MCCC1: variants seen among roughly 807,000 people sequenced by gnomAD.
MCCC1 encodes methylcrotonoyl-CoA carboxylase subunit alpha, mitochondrial.
In MCCC1, 64 loss-of-function variants were observed where a neutral mutation model predicts 83.8. The ratio of observed to expected loss-of-function variants is 0.76; its 90% confidence interval spans 0.62 to 0.94. The LOEUF is 0.94. MCCC1 is among the 40% of genes least tolerant of loss of function. The probability of loss-of-function intolerance (pLI) is 0.00; values close to 1 mark genes in which losing one functional copy is unlikely to be tolerated. For synonymous variants in MCCC1, 322 were observed against 315.4 expected (o/e 1.02, Z -0.22); for missense variants, 807 against 904.7 (o/e 0.89, Z 1.39).
At chr3:183,088,173 C>A (rs899302248) in intron 3 of MCCC1, among the ~76,000 whole-genome samples, 1 of 150,968 alleles carries the variant, frequency 6.6e-6, no homozygotes, top group East Asian at 1.9e-4. Flanking sequence ...ACAAAGAGAC[C>A]ATTTTAAATG....
chr3:183,100,938 C>T (rs796708283), upstream of MCCC1, among the ~76,000 whole-genome samples: 15 of 152,356 alleles, frequency 9.8e-5, no homozygotes, highest in African/African-American at 3.4e-4. Context: ...GCGGCACTTG[C>T]GGGCCAGCTG....
chr3:183,079,724 A>G (rs1243239790), intron 4 of MCCC1, among the ~76,000 whole-genome samples: 2 of 152,168 alleles, frequency 1.3e-5, no homozygotes, highest in Admixed American at 6.5e-5. Context: ...CTGACCCCAC[A>G]TTTCCCTTCT....
chr3:183,034,082 A>C lies in MCCC1; in HGVS notation c.1595-5T>G, dbSNP rs1186142610. On this transcript the variant is annotated splice_region_variant and splice_polypyrimidine_tract_variant and intron_variant, in intron 13 of 18. Coordinates refer to ENST00000265594, the MANE Select transcript of MCCC1 (RefSeq NM_020166.5). ...ACGAAAATGGAGAGAATTGATCTAG[A>C]AAAAATTTAAAATTCAGTAACAAAC... is the stretch of plus-strand genomic sequence containing the variant. 6.3e-7 allele frequency: 1 copy of C among 1,589,152 alleles called. No homozygotes were observed. The highest frequency in any genetic ancestry group is 2.2e-5 in the East Asian group (1 of 44,762).
intron 13 of MCCC1, among the ~76,000 whole-genome samples, chr3:183,035,748 T>C (rs1393430934): frequency 6.6e-6 from 1 of 152,180 alleles, no homozygotes; most frequent in Non-Finnish European, 1.5e-5. Flanking sequence ...TTAAAAATTC[T>C]GTTTGCTCCG....
chr3:183,024,012 A>G (rs899031466), intron 15 of MCCC1, among the ~76,000 whole-genome samples: 7 of 152,174 alleles, frequency 4.6e-5, no homozygotes, highest in Admixed American at 3.9e-4. Flanking sequence ...GCACTTTGGG[A>G]GGCCAAGGTG....
intron 7 of MCCC1, among the ~76,000 whole-genome samples, chr3:183,063,964 G>A (rs749576291): frequency 1.3e-5 from 2 of 152,158 alleles, no homozygotes; most frequent in Non-Finnish European, 2.9e-5. Flanking sequence ...CTAAGACAGA[G>A]TGGGTTAAAG....
intron 4 of MCCC1, among the ~76,000 whole-genome samples, chr3:183,082,499 G>A (rs73053945): frequency 0.011 from 1,701 of 152,308 alleles, 35 homozygotes; most frequent in African/African-American, 0.039. Flanking sequence ...TGTGCAGCCA[G>A]TGCTCAACTC....
At chr3:183,092,877 A>G (rs1718469634) in intron 2 of MCCC1, among the ~76,000 whole-genome samples, 1 of 151,928 alleles carries the variant, frequency 6.6e-6, no homozygotes, top group African/African-American at 2.4e-5. Context: ...CTACTCTTTT[A>G]TGTATTTATT....
upstream of MCCC1, among the ~76,000 whole-genome samples, chr3:183,100,803 AG>A (rs1719199924): frequency 6.6e-6 from 1 of 152,204 alleles, no homozygotes; most frequent in African/African-American, 2.4e-5. Flanking sequence ...GTGGCATTTG[AG>A]GAGCCCTTCA....
chr3:183,044,968 T>C (rs369244032), intron 10 of MCCC1, among the ~76,000 whole-genome samples: 1 of 152,098 alleles, frequency 6.6e-6, no homozygotes, highest in East Asian at 1.9e-4. Context: ...ACGTGAATGT[T>C]TGCTACATGG....
chr3:183,086,742 T>C lies in MCCC1; in HGVS notation c.320A>G (p.Tyr107Cys), dbSNP rs144872258. Residue 107 changes from tyrosine (Y) to cysteine (C), a missense_variant, in exon 4 of 19, where the codon TAC becomes TGC. Transcript: ENST00000265594. ...TTGAATGATTTTCTCCATAGATAGG[T>C]AGCTCTGCTGGGAGGGAGCGGGGCC... ...SIGPAPSQQS[Y>C]LSMEKIIQVA... 3.1e-6 allele frequency: 5 copies of C among 1,614,222 alleles called. No homozygotes were observed. Among genetic ancestry groups the C allele is most frequent in the African/African-American group, 1.3e-5 (1 of 75,064 alleles).
upstream of MCCC1, among the ~76,000 whole-genome samples, chr3:183,103,722 C>G (rs927143507): frequency 6.6e-6 from 1 of 152,252 alleles, no homozygotes; most frequent in Non-Finnish European, 1.5e-5. Flanking sequence ...GTGGAGCTGC[C>G]TGCCAGTCCC....
In MCCC1 at chr3:183,042,724, A is replaced by T. The variant is rs567573723; in HGVS notation, c.1084-974T>A. The stretch of plus-strand genomic sequence containing the variant: ...CTGCAGACAGATTGCCTAGGTTCAA[A>T]TTTTGTCTCTATACTTACTTTGTCA... On this transcript the variant is annotated intron_variant, in intron 10 of 18. Coordinates refer to ENST00000265594, the MANE Select transcript of MCCC1 (RefSeq NM_020166.5). 2.6e-5 allele frequency among the ~76,000 whole-genome samples: 4 copies of T among 152,330 alleles called. No individual in the cohort carries two copies. In the East Asian group the frequency reaches 7.7e-4, roughly 29 times the overall value.
intron 4 of MCCC1, among the ~76,000 whole-genome samples, chr3:183,080,540 G>T (rs1717413436): frequency 6.6e-6 from 1 of 152,210 alleles, no homozygotes; most frequent in African/African-American, 2.4e-5. Context: ...CATTCAGCAA[G>T]TCTCTAGGAA....
intron 1 of MCCC1, 57 bp downstream of exon 1, chr3:183,099,295 G>A (rs1225356448): frequency 1.3e-6 from 2 of 1,538,658 alleles, no homozygotes; most frequent in South Asian, 1.2e-5. Flanking sequence ...CGCTCACGCG[G>A]GTCCGTGCAC....
intron 16 of MCCC1, 149 bp from the exon 17 acceptor site, chr3:183,020,386 C>A: frequency 1.4e-6 from 1 of 689,818 alleles, no homozygotes; most frequent in Non-Finnish European, 2.6e-6. Flanking sequence ...AAACCCAGCA[C>A]TTTGGGAGGC....
chr3:183,112,623 A>G (rs1275846530), intron 1 of MCCC1, among the ~76,000 whole-genome samples: 4 of 152,212 alleles, frequency 2.6e-5, no homozygotes, highest in Non-Finnish European at 5.9e-5. Flanking sequence ...TTTTTCATCT[A>G]TATCCCACCT....
rs763823835 is a variant in MCCC1 at position 183,022,499 on chromosome 3, G to A, written c.1787C>T (p.Thr596Ile). ...TCCATTAACAGAACATTTCAGGTAA[G>A]TGCAGTCTCCCTCGCTGTAAAGATT... is the stretch of plus-strand genomic sequence containing the variant. Reference protein sequence around the residue: ...LGNLYSEGDCTYLKCSVNGVA... With the variant: ...LGNLYSEGDCIYLKCSVNGVA... Residue 596 changes from threonine (T) to isoleucine (I), a missense_variant, in exon 16 of 19, where the codon ACT (threonine) becomes ATT (isoleucine). Transcript: ENST00000265594. 4 of 1,613,944 alleles carry A rather than the reference G, an allele frequency of 2.5e-6. No homozygotes were observed. Among genetic ancestry groups the A allele is most frequent in the Non-Finnish European group, 3.4e-6 (4 of 1,179,860 alleles).
At chr3:183,020,374 G>A (rs934439442) in intron 16 of MCCC1, 137 bp from the exon 17 acceptor site, 2 of 716,310 alleles carry the variant, frequency 2.8e-6, no homozygotes, top group African/African-American at 1.7e-5. Context: ...GCTCACGATT[G>A]TAAACCCAGC....
Sources: gnomAD v4.1 joint callset for allele counts (sites outside exome capture counted in the v4.1 genomes callset) on GRCh38, gnomAD v4.1.1 for gene constraint, MANE v1.5 for transcripts, NCBI Gene and HGNC (gene_info 2026-07-23, HGNC 2026-07-21) for gene names.